COL3A1: variants seen among roughly 807,000 people sequenced by gnomAD.
COL3A1 encodes collagen alpha-1(III) chain.
Under a neutral mutation model 200.9 loss-of-function variants are expected in COL3A1, and 46 were observed. The observed-to-expected ratio is 0.23, with a 90% CI of 0.18 to 0.29. COL3A1 has a LOEUF of 0.29. Among genes scored for constraint, COL3A1 ranks in the 10% least tolerant of loss-of-function variants. The pLI, the probability that COL3A1 is intolerant of heterozygous loss-of-function variation, is 1.00. For synonymous variants in COL3A1, 650 were observed against 628.0 expected (o/e 1.03, Z -0.52); for missense variants, 1,367 against 1,917.6 (o/e 0.71, Z 5.36).
chr2:189,007,652 A>G, intron 45 of COL3A1, 45 bp downstream of exon 45: 2 of 1,500,126 alleles, frequency 1.3e-6, no homozygotes, highest in Non-Finnish European at 1.8e-6. Context: ...ATGTATACAA[A>G]TTTTAGAGAT....
In COL3A1 at chr2:189,004,163, T is replaced by A. The variant is rs577105300; in HGVS notation, c.2823+20T>A. 34 of 1,613,830 alleles carry A rather than the reference T, an allele frequency of 2.1e-5. No homozygotes were observed. Among genetic ancestry groups the A allele is most frequent in the Non-Finnish European group, 2.7e-5 (32 of 1,179,896 alleles). Reference sequence around the variant, plus strand: ...CCACCAGTAAGTAACTTCATTTTTTTAAATTGATTCTACTATTTTGATTTT... The same window carrying A: ...CCACCAGTAAGTAACTTCATTTTTTAAAATTGATTCTACTATTTTGATTTT... On this transcript the variant is annotated intron_variant, in intron 39 of 50. Coordinates refer to ENST00000304636, the MANE Select transcript of COL3A1 (RefSeq NM_000090.4).
At chr2:189,001,497 T>C in intron 33 of COL3A1, 39 bp from the exon 34 acceptor site, 1 of 1,614,022 alleles carries the variant, frequency 6.2e-7, no homozygotes, top group Non-Finnish European at 8.5e-7. Context: ...GTCTCTCTCT[T>C]TTGGATGCAA....
chr2:189,010,533 G>C, intron 49 of COL3A1, 115 bp from the exon 50 acceptor site: 1 of 1,504,368 alleles, frequency 6.6e-7, no homozygotes, highest in Admixed American at 1.7e-5. Context: ...TAAAATACTC[G>C]TACATAAAAT....
At chr2:188,975,618 A>C (rs1033968607) in intron 1 of COL3A1, among the ~76,000 whole-genome samples, 2 of 152,186 alleles carry the variant, frequency 1.3e-5, no homozygotes, top group African/African-American at 4.8e-5. Context: ...CACTGCATGA[A>C]AATTTGGTTT....
chr2:188,997,639 G>A, intron 26 of COL3A1, 61 bp from the exon 27 acceptor site: 1 of 1,526,548 alleles, frequency 6.6e-7, no homozygotes, highest in Non-Finnish European at 9.1e-7. Flanking sequence ...TGTTGAAATG[G>A]ATACTGTAGA....
Position 189,007,614 on chromosome 2 carries a change from GC to G in COL3A1, c.3363+8del. 2 of 1,605,120 alleles carry G rather than the reference GC, an allele frequency of 1.2e-6. No individual in the cohort carries two copies. Among genetic ancestry groups the G allele is most frequent in the Non-Finnish European group, 1.7e-6 (2 of 1,173,934 alleles). ...AGGTGCCCCAGGTTCTCCAGTAAGT[GC>G]ATTCATTTTGTTGGAAAATCCCTTC... On this transcript the variant is annotated splice_region_variant and intron_variant, in intron 45 of 50. Transcript: ENST00000304636.
Position 188,987,945 on chromosome 2 carries a change from TAGTTATCAAAA to T in COL3A1, c.529-124_529-114del, listed in dbSNP as rs551390100. ...AGATCTTCATTATAGATCTCATGAATAGTTATCAAAAAGTTATCAAAAGATGAGATATAGTT... is the reference window on the plus strand; with the variant it reads ...AGATCTTCATTATAGATCTCATGAATAGTTATCAAAAGATGAGATATAGTT... On this transcript the variant is annotated intron_variant, in intron 5 of 50. Transcript: ENST00000304636. 4,539 of 712,596 alleles carry T rather than the reference TAGTTATCAAAA, an allele frequency of 6.4e-3. 23 individuals are homozygous for T. Among genetic ancestry groups the T allele is most frequent in the Non-Finnish European group, 8.8e-3 (3,429 of 389,944 alleles). The allele number at this position is 712,596 out of a possible 1,614,324, so 44.1% of individuals were successfully genotyped here.
intron 14 of COL3A1, 74 bp from the exon 15 acceptor site, chr2:188,992,813 C>T: frequency 1.8e-6 from 2 of 1,131,820 alleles, no homozygotes; most frequent in Non-Finnish European, 2.7e-6. Flanking sequence ...TTTATATGTG[C>T]TCACTTATTT....
chr2:189,005,207 C>T, intron 40 of COL3A1, 143 bp from the exon 41 acceptor site: 2 of 766,966 alleles, frequency 2.6e-6, no homozygotes, highest in Admixed American at 4.9e-5. Context: ...TATTTTTTCC[C>T]ATAGCAGGCA....
intron 41 of COL3A1, chr2:189,005,764 T>G (rs1688571690): frequency 4.4e-6 from 1 of 229,122 alleles, no homozygotes. Context: ...TTATCTATGG[T>G]TAGTCTTTTA....
At position 188,995,757 on chromosome 2, in the gene COL3A1, C is replaced by T; in HGVS notation, c.1575C>T (p.Gly525=). The T allele has an allele frequency of 1.3e-6, 2 of 1,566,328 alleles. No homozygotes were observed. The highest frequency in any genetic ancestry group is 1.7e-6 in the Non-Finnish European group (2 of 1,154,852). ...CCAGAGGAGCTGCTGGAGAACCTGGCAGAGATGGCGTCCCTGGAGGTCCAG... is the reference window on the plus strand; with the variant it reads ...CCAGAGGAGCTGCTGGAGAACCTGGTAGAGATGGCGTCCCTGGAGGTCCAG... ...AGPRGAAGEP[G]RDGVPGGPGM... Residue 525 remains glycine, a synonymous_variant, in exon 22 of 51, where the codon GGC becomes GGT. Coordinates refer to ENST00000304636, the MANE Select transcript of COL3A1 (RefSeq NM_000090.4).
At chr2:189,000,848 TAA>T (rs1174179502) in intron 32 of COL3A1, among the ~76,000 whole-genome samples, 2 of 152,160 alleles carry the variant, frequency 1.3e-5, no homozygotes, top group African/African-American at 2.4e-5. Context: ...TGATTATAAT[TAA>T]GTCTTTTAAT....
intron 1 of COL3A1, among the ~76,000 whole-genome samples, chr2:188,982,526 C>T (rs1687973866): frequency 6.6e-6 from 1 of 151,710 alleles, no homozygotes. Context: ...TTGAGCCTAG[C>T]TTTAACTATT....
At position 189,002,088 on chromosome 2, in the gene COL3A1, T is replaced by C. The variant is rs369366065; in HGVS notation, c.2392-210T>C. 6.9e-4 allele frequency among the ~76,000 whole-genome samples: 105 copies of C among 152,348 alleles called. 1 individual carries two copies. The highest frequency in any genetic ancestry group is 2.2e-3 in the African/African-American group (92 of 41,576). ...CTCAAACTATTTTTCTTGCAAATAA[T>C]ATCACAGTAGGAGGCAGAAGGAATC... On this transcript the variant is annotated intron_variant, in intron 34 of 50. Coordinates refer to ENST00000304636, the MANE Select transcript of COL3A1 (RefSeq NM_000090.4).
At chr2:188,997,047 A>ATATATATGAGACATG (rs1688342196) in intron 24 of COL3A1, 118 bp from the exon 25 acceptor site, 1 of 702,426 alleles carries the variant, frequency 1.4e-6, no homozygotes, top group African/African-American at 1.9e-5. Context: ...TATGAGACAT[A>ATATATATGAGACATG]TATATATGAG....
rs768168922 is a variant in COL3A1 at position 189,010,825 on chromosome 2, G to A, written c.4189G>A (p.Glu1397Lys). ...KKALKLMGSN[E>K]GEFKAEGNSK... ...GGCCCTGAAGCTGATGGGGTCAAATGAAGGTGAATTCAAGGCTGAAGGAAA... is the reference window on the plus strand; with the variant it reads ...GGCCCTGAAGCTGATGGGGTCAAATAAAGGTGAATTCAAGGCTGAAGGAAA... Residue 1397 changes from glutamate to lysine, a missense_variant, in exon 50 of 51, where the codon GAA (glutamate) becomes AAA (lysine). This residue lies in a region of COL3A1 where 846 missense variants were observed against 1,147.9 expected (regional missense o/e 0.74). Transcript: ENST00000304636. 1 of 1,614,168 alleles carries A rather than the reference G, an allele frequency of 6.2e-7. No individual in the cohort carries two copies. The highest frequency in any genetic ancestry group is 1.1e-5 in the South Asian group (1 of 91,084).
intron 23 of COL3A1, 67 bp from the exon 24 acceptor site, chr2:188,996,331 C>CA: frequency 8.8e-7 from 1 of 1,133,014 alleles, no homozygotes; most frequent in South Asian, 1.3e-5. Flanking sequence ...CACACACATA[C>CA]TATATATATA....
At position 188,999,572 on chromosome 2, in the gene COL3A1, G is replaced by T. The variant is rs759018332; in HGVS notation, c.2224G>T (p.Asp742Tyr). The T allele has an allele frequency of 5.6e-6, 9 of 1,613,140 alleles. No homozygotes were observed. Among genetic ancestry groups the T allele is most frequent in the Non-Finnish European group, 7.6e-6 (9 of 1,179,932 alleles). The change falls in exon 31 of 51, where the codon GAC becomes TAC. Residue 742 changes from aspartate to tyrosine, a missense_variant. Physicochemically the swap from Asp to Tyr is radical, Grantham distance 160 (BLOSUM62 -3). Coordinates refer to ENST00000304636, the MANE Select transcript of COL3A1 (RefSeq NM_000090.4). ...TCTTGGAAGTCCTGGTCCAAAGGGT[G>T]ACAAGGTGTTGACTTGTTTTCTCTT... ...GGLGSPGPKG[D>Y]KGEPGGPGAD...
rs1370524435 is a variant in COL3A1 at position 189,012,040 on chromosome 2, A to G, written c.*266A>G. On this transcript the variant is annotated 3_prime_UTR_variant, in exon 51 of 51. Coordinates refer to ENST00000304636, the MANE Select transcript of COL3A1 (RefSeq NM_000090.4). ...ATGGTGCTATAATAAATAAACTTCA[A>G]CACTCTTTATGATAACAACACTGTG... 2.1e-6 allele frequency: 1 copy of G among 472,538 alleles called. No homozygotes were observed. The highest frequency in any genetic ancestry group is 3.9e-6 in the Non-Finnish European group (1 of 259,258). 29.3% of individuals were successfully genotyped at this position (472,538 alleles called of 1,614,324 possible).
Sources: gnomAD v4.1 joint callset for allele counts (sites outside exome capture counted in the v4.1 genomes callset) on GRCh38, gnomAD v4.1.1 for gene constraint, gnomAD v4.1.1 regional missense constraint, MANE v1.5 for transcripts, NCBI Gene and HGNC (gene_info 2026-07-23, HGNC 2026-07-21) for gene names.